ACCSL: variants seen among roughly 807,000 people sequenced by gnomAD.
The protein encoded by ACCSL is probable inactive 1-aminocyclopropane-1-carboxylate synthase-like protein 2.
In ACCSL, 55 loss-of-function variants were observed where a neutral mutation model predicts 61.7. The ratio of observed to expected loss-of-function variants is 0.89; its 90% CI spans 0.72 to 1.12. ACCSL has a LOEUF of 1.12. ACCSL is among the 50% of genes most tolerant of loss of function. The pLI is 0.00. For synonymous variants in ACCSL, 258 were observed against 264.3 expected (o/e 0.98, Z 0.23); for missense variants, 632 against 698.0 (o/e 0.91, Z 1.07).
chr11:44,047,403 G>A (rs1177261852), upstream of ACCSL, among the ~76,000 whole-genome samples: 3 of 152,238 alleles, frequency 2.0e-5, no homozygotes, highest in African/African-American at 7.2e-5. Context: ...AACCTTTTAT[G>A]TAAAGGGCCA....
chr11:44,058,225 G>C, intron 11 of ACCSL, 92 bp from the exon 12 acceptor site: 2 of 1,399,300 alleles, frequency 1.4e-6, no homozygotes, highest in South Asian at 2.6e-5. Flanking sequence ...AAACAAACTT[G>C]CATGAAGCCC....
At chr11:44,009,028 C>G in the ACCSL span, among the ~76,000 whole-genome samples, 1 of 152,092 alleles carries the variant, frequency 6.6e-6, no homozygotes, top group African/African-American at 2.4e-5. Context: ...ATTAGCCAGG[C>G]ATGGTGGCAT....
chr11:43,951,821 T>G, the ACCSL span, among the ~76,000 whole-genome samples: 1 of 152,174 alleles, frequency 6.6e-6, no homozygotes, highest in Non-Finnish European at 1.5e-5. Flanking sequence ...GCCAACATGG[T>G]GAAGCCCTGT....
At chr11:44,009,245 G>A in the ACCSL span, among the ~76,000 whole-genome samples, 5 of 152,122 alleles carry the variant, frequency 3.3e-5, no homozygotes, top group Admixed American at 6.5e-5. Flanking sequence ...GGATAGGAGC[G>A]ATTGCGGTAT....
the ACCSL span, among the ~76,000 whole-genome samples, chr11:44,028,551 A>G: frequency 2.6e-5 from 4 of 152,226 alleles, no homozygotes; most frequent in Non-Finnish European, 5.9e-5. Context: ...CAAATTTATT[A>G]CAGCTGCTCC....
chr11:43,931,420 CAGCT>C, the ACCSL span, among the ~76,000 whole-genome samples: 1 of 152,198 alleles, frequency 6.6e-6, no homozygotes, highest in East Asian at 1.9e-4. Context: ...TTCCCAGGCC[CAGCT>C]AGCTCCCTCT....
upstream of ACCSL, among the ~76,000 whole-genome samples, chr11:44,045,421 G>A (rs1952591780): frequency 6.6e-6 from 1 of 152,112 alleles, no homozygotes; most frequent in South Asian, 2.1e-4. Flanking sequence ...GCCTGGGCGA[G>A]AGAGTGAGAT....
At chr11:44,006,054 G>A in the ACCSL span, among the ~76,000 whole-genome samples, 1 of 152,144 alleles carries the variant, frequency 6.6e-6, no homozygotes, top group African/African-American at 2.4e-5. Context: ...CCACCCCAGC[G>A]ACCTCCAGGG....
At chr11:43,983,627 A>G in the ACCSL span, among the ~76,000 whole-genome samples, 5 of 151,638 alleles carry the variant, frequency 3.3e-5, no homozygotes, top group Admixed American at 6.6e-5. Context: ...CACTTGTTAA[A>G]TATTGCCTTC....
chr11:44,039,025 C>T, the ACCSL span, among the ~76,000 whole-genome samples: 7 of 152,158 alleles, frequency 4.6e-5, no homozygotes, highest in African/African-American at 1.4e-4. Flanking sequence ...GGATTTATTT[C>T]TTCATTTTGA....
At chr11:43,981,849 C>T in the ACCSL span, among the ~76,000 whole-genome samples, 1 of 152,210 alleles carries the variant, frequency 6.6e-6, no homozygotes, top group Non-Finnish European at 1.5e-5. Flanking sequence ...GCTCTGCTCC[C>T]CTCTCCCCGC....
chr11:43,970,598 T>TA, the ACCSL span, among the ~76,000 whole-genome samples: 1 of 152,234 alleles, frequency 6.6e-6, no homozygotes, highest in Non-Finnish European at 1.5e-5. Context: ...AATCAGTTAT[T>TA]ACTAAGATAT....
chr11:44,051,618 G>A lies in ACCSL; in HGVS notation c.706-35G>A, dbSNP rs1463327315. 9 of 1,612,820 alleles carry A rather than the reference G, an allele frequency of 5.6e-6. No homozygotes were observed. In the Admixed American group the frequency reaches 1.0e-4, roughly 18 times the overall value. ...GGCTACCCCTTCTCACATAGGTATT[G>A]GTTTTGACTTCTGCCTCTCATGTGT... On this transcript the variant is annotated intron_variant, in intron 4 of 13. Transcript: ENST00000378832.
chr11:43,925,766 T>G, the ACCSL span, among the ~76,000 whole-genome samples: 2 of 152,120 alleles, frequency 1.3e-5, no homozygotes, highest in African/African-American at 4.8e-5. Flanking sequence ...GCTCTGCCCT[T>G]TCTAGCTGAG....
At chr11:43,943,607 C>G in the ACCSL span, 10 of 1,307,556 alleles carry the variant, frequency 7.6e-6, no homozygotes, top group South Asian at 1.2e-5. This position sits in a 1 kb window ranked among gnomAD's most constrained non-coding sequence, Gnocchi z 4.8. Context: ...TGCCCTTGTC[C>G]GATGGTTTGC....
the ACCSL span, among the ~76,000 whole-genome samples, chr11:44,019,051 C>A: frequency 1.3e-5 from 2 of 152,104 alleles, no homozygotes; most frequent in Non-Finnish European, 1.5e-5. Flanking sequence ...TGAAGTAATA[C>A]AATGTGTGGT....
the ACCSL span, among the ~76,000 whole-genome samples, chr11:44,034,700 A>G: frequency 1.3e-5 from 2 of 152,292 alleles, no homozygotes; most frequent in East Asian, 1.9e-4. Flanking sequence ...GGTGCCTCCT[A>G]TGAAGTGTGG....
the ACCSL span, among the ~76,000 whole-genome samples, chr11:44,011,180 G>T: frequency 6.6e-6 from 1 of 152,078 alleles, no homozygotes; most frequent in Non-Finnish European, 1.5e-5. Context: ...TACCTGTTCA[G>T]TCCATGCTAC....
the ACCSL span, among the ~76,000 whole-genome samples, chr11:43,979,717 C>A: frequency 6.6e-6 from 1 of 151,888 alleles, no homozygotes; most frequent in African/African-American, 2.4e-5. Context: ...TGTGGTGGTG[C>A]ATGCCTGTAG....
Sources: gnomAD v4.1 joint callset for allele counts (sites outside exome capture counted in the v4.1 genomes callset) on GRCh38, gnomAD v4.1.1 for gene constraint, Gnocchi (gnomAD v3.1) non-coding constraint, MANE v1.5 for transcripts, NCBI Gene and HGNC (gene_info 2026-07-23, HGNC 2026-07-21) for gene names.